The following GMDS variants were observed in gnomAD, a reference collection of about 807,000 sequenced individuals.
The protein encoded by GMDS is GDP-mannose 4,6-dehydratase.
A neutral mutation model predicts 49.9 loss-of-function variants in GMDS; 20 were observed. The ratio of observed to expected loss-of-function variants is 0.40; its 90% CI spans 0.28 to 0.58. The LOEUF (loss-of-function observed/expected upper bound fraction) is 0.58, where lower values mean the gene tolerates loss of function less well. Among genes scored for constraint, GMDS ranks in the 20% least tolerant of loss-of-function variants. The pLI is 0.42. For synonymous variants in GMDS, 177 were observed against 178.6 expected, an observed-to-expected ratio of 0.99 and a Z score of 0.07; for missense variants, 362 against 481.4, an observed-to-expected ratio of 0.75 and a Z score of 2.32.
At chr6:2,220,412 C>T (rs1406283631) in intron 1 of GMDS, among the ~76,000 whole-genome samples, 3 of 152,268 alleles carry the variant, frequency 2.0e-5, no homozygotes, top group East Asian at 3.9e-4. Flanking sequence ...CTTATTTTCT[C>T]GCTGTAATAA....
At chr6:2,155,401 A>C (rs1010456263) in intron 1 of GMDS, among the ~76,000 whole-genome samples, 3 of 152,192 alleles carry the variant, frequency 2.0e-5, no homozygotes, top group Non-Finnish European at 4.4e-5. Flanking sequence ...TCACGGCATG[A>C]CATAAAAGGT....
At chr6:2,103,406 T>C (rs753555534) in intron 4 of GMDS, among the ~76,000 whole-genome samples, 39 of 152,172 alleles carry the variant, frequency 2.6e-4, no homozygotes, top group Non-Finnish European at 4.4e-4. Context: ...TTTAAGCACG[T>C]TGTTATACAC....
At chr6:1,961,468 T>C (rs571877572) in intron 4 of GMDS, among the ~76,000 whole-genome samples, 60 of 152,360 alleles carry the variant, frequency 3.9e-4, no homozygotes, top group Admixed American at 6.5e-4. Context: ...AAATTTGTAA[T>C]CTATTACACG....
intron 1 of GMDS, among the ~76,000 whole-genome samples, chr6:2,219,310 C>G (rs977389172): frequency 6.6e-6 from 1 of 152,124 alleles, no homozygotes; most frequent in Non-Finnish European, 1.5e-5. Flanking sequence ...AGGGTAGAAA[C>G]TTGAGTCCTA....
chr6:2,233,806 C>T (rs896053378), intron 1 of GMDS, among the ~76,000 whole-genome samples: 6 of 152,144 alleles, frequency 3.9e-5, no homozygotes, highest in African/African-American at 1.4e-4. Context: ...GCCTGGACAA[C>T]AGAGGGAGAC....
rs556216222 is a variant in GMDS at position 2,101,889 on chromosome 6, A to G, written c.345+13882T>C. ...TTTACATCAGATAAAAGAAAGGACA[A>G]TTTGGACATAAAGGAAAATCTAAGT... On this transcript the variant is annotated intron_variant, in intron 4 of 10. Coordinates refer to ENST00000380815, the MANE Select transcript of GMDS (RefSeq NM_001500.4). 1.3e-4 allele frequency among the ~76,000 whole-genome samples: 20 copies of G among 152,262 alleles called. No homozygotes were observed. In the South Asian group the frequency reaches 4.1e-3, roughly 32 times the overall value.
chr6:2,130,519 G>A (rs1775678566), intron 1 of GMDS, among the ~76,000 whole-genome samples: 1 of 152,198 alleles, frequency 6.6e-6, no homozygotes, highest in Non-Finnish European at 1.5e-5. Context: ...GTGCTCAGTG[G>A]TTGCACATAC....
intron 4 of GMDS, among the ~76,000 whole-genome samples, chr6:2,045,553 A>G (rs1215862452): frequency 6.6e-6 from 1 of 152,136 alleles, no homozygotes; most frequent in Non-Finnish European, 1.5e-5. Flanking sequence ...ACAAAAAGTT[A>G]AAAGGCATCA....
chr6:2,111,699 G>A (rs1774551992), intron 4 of GMDS, among the ~76,000 whole-genome samples: 1 of 152,030 alleles, frequency 6.6e-6, no homozygotes, highest in Non-Finnish European at 1.5e-5. Flanking sequence ...GCTAATATTA[G>A]GACCTTTTTT....
At chr6:1,685,940 G>A (rs549218074) in intron 9 of GMDS, among the ~76,000 whole-genome samples, 1 of 152,296 alleles carries the variant, frequency 6.6e-6, no homozygotes, top group South Asian at 2.1e-4. Context: ...CTTTGGCATA[G>A]ACGTGCATGC....
At chr6:2,087,835 G>C (rs1341144114) in intron 4 of GMDS, among the ~76,000 whole-genome samples, 1 of 152,168 alleles carries the variant, frequency 6.6e-6, no homozygotes, top group Non-Finnish European at 1.5e-5. Flanking sequence ...GTTAGATTGA[G>C]TGAAGTCCCT....
At position 2,201,181 on chromosome 6, in the gene GMDS, G is replaced by A. The variant is rs531321467; in HGVS notation, c.102+44140C>T. On this transcript the variant is annotated intron_variant, in intron 1 of 10. Transcript: ENST00000380815. ...AGGCAGTGAGGGCAGCATGTTAGCA[G>A]AGAGGTGAGGGATGAAGAGAGAGCA... 1.9e-4 allele frequency among the ~76,000 whole-genome samples: 26 copies of A among 138,480 alleles called. No individual in the cohort carries two copies. In the South Asian group the frequency reaches 6.3e-3, roughly 33 times the overall value. 90.8% of individuals were successfully genotyped at this position (138,480 alleles called of 152,430 possible).
intron 9 of GMDS, among the ~76,000 whole-genome samples, chr6:1,672,461 T>C (rs1465831304): frequency 6.6e-6 from 1 of 152,224 alleles, no homozygotes; most frequent in Non-Finnish European, 1.5e-5. Flanking sequence ...CCAACAAAAG[T>C]CTCTGAAATT....
intron 9 of GMDS, among the ~76,000 whole-genome samples, chr6:1,651,201 AC>A (rs1763643204): frequency 6.6e-6 from 1 of 152,178 alleles, no homozygotes; most frequent in South Asian, 2.1e-4. Context: ...AGCAGCCCAC[AC>A]CAGTGGCAGC....
chr6:2,017,610 A>G (rs1050588643), intron 4 of GMDS, among the ~76,000 whole-genome samples: 6 of 152,162 alleles, frequency 3.9e-5, no homozygotes, highest in African/African-American at 1.4e-4. Context: ...TGTCCAGCCC[A>G]CAATTGACCC....
intron 1 of GMDS, chr6:2,176,091 G>A (rs1027873498): frequency 3.0e-5 from 28 of 935,294 alleles, no homozygotes; most frequent in African/African-American, 1.6e-5. Flanking sequence ...CTGACAACAT[G>A]TAATTCTGGT....
chr6:1,844,199 G>T (rs2113752661), intron 7 of GMDS, among the ~76,000 whole-genome samples: 1 of 152,158 alleles, frequency 6.6e-6, no homozygotes, highest in South Asian at 2.1e-4. Context: ...CAGAGCTGGG[G>T]TTTATATGCA....
intron 1 of GMDS, among the ~76,000 whole-genome samples, chr6:2,171,877 C>A (rs564861674): frequency 3.3e-5 from 5 of 152,138 alleles, no homozygotes; most frequent in African/African-American, 9.6e-5. Flanking sequence ...AGGAAGGAAA[C>A]TAAAATGTCA....
At chr6:1,642,153 C>CTTT (rs543577735) in intron 9 of GMDS, among the ~76,000 whole-genome samples, 3 of 110,764 alleles carry the variant, frequency 2.7e-5, no homozygotes, top group Non-Finnish European at 3.5e-5. Flanking sequence ...CAGTTTCCAT[C>CTTT]TTTTTTTTTT....
Sources: gnomAD v4.1 joint callset for allele counts (sites outside exome capture counted in the v4.1 genomes callset) on GRCh38, gnomAD v4.1.1 for gene constraint, MANE v1.5 for transcripts, NCBI Gene and HGNC (gene_info 2026-07-23, HGNC 2026-07-21) for gene names.